AIG1: variants seen among roughly 807,000 people sequenced by gnomAD.
The protein encoded by AIG1 is androgen-induced gene 1 protein.
AIG1 carries 23 observed loss-of-function variants against 31.4 expected under a neutral mutation model. The observed-to-expected ratio is 0.73, with a 90% CI of 0.53 to 1.04. The LOEUF is 1.04. AIG1 is among the 50% of genes least tolerant of loss of function. The pLI is 0.00. For missense variants in AIG1, 274 were observed against 295.0 expected (o/e 0.93, Z 0.52); for synonymous variants, 100 against 110.5 (o/e 0.90, Z 0.60).
At chr6:143,173,963 A>G (rs140663224) in intron 3 of AIG1, among the ~76,000 whole-genome samples, 142 of 152,308 alleles carry the variant, frequency 9.3e-4, no homozygotes, top group African/African-American at 3.2e-3. Context: ...GTTGATGACC[A>G]GTCTAGTGCT....
At chr6:143,153,354 A>G (rs1424926957) in intron 2 of AIG1, among the ~76,000 whole-genome samples, 3 of 151,610 alleles carry the variant, frequency 2.0e-5, no homozygotes, top group African/African-American at 4.9e-5. Context: ...AATGCTTTTT[A>G]TTTTTATTTT....
chr6:143,088,286 A>G (rs902626588), intron 1 of AIG1, among the ~76,000 whole-genome samples: 2 of 151,858 alleles, frequency 1.3e-5, no homozygotes, highest in South Asian at 2.1e-4. Flanking sequence ...TTGTAATTAC[A>G]TATGTATACC....
chr6:143,239,702 A>G (rs538210622), intron 3 of AIG1, among the ~76,000 whole-genome samples: 172 of 152,324 alleles, frequency 1.1e-3, no homozygotes, highest in African/African-American at 3.8e-3. Flanking sequence ...GTGCCGTATC[A>G]CAAGACCTGA....
At chr6:143,257,356 CA>C (rs919148451) in intron 3 of AIG1, among the ~76,000 whole-genome samples, 10 of 150,896 alleles carry the variant, frequency 6.6e-5, no homozygotes, top group African/African-American at 1.5e-4. Flanking sequence ...AAAACAAAAA[CA>C]AAAAAAAATT....
chr6:143,225,489 C>T (rs780983727), intron 3 of AIG1, among the ~76,000 whole-genome samples: 1 of 152,142 alleles, frequency 6.6e-6, no homozygotes, highest in Non-Finnish European at 1.5e-5. Flanking sequence ...AGCAAAACTT[C>T]GTAAAACATA....
intron 3 of AIG1, among the ~76,000 whole-genome samples, chr6:143,261,659 C>G (rs1795789064): frequency 6.6e-6 from 1 of 152,112 alleles, no homozygotes; most frequent in African/African-American, 2.4e-5. Flanking sequence ...GAGTCTAAAG[C>G]TTTTCAAACA....
At chr6:143,070,729 A>T (rs1328959918) in intron 1 of AIG1, among the ~76,000 whole-genome samples, 1 of 152,202 alleles carries the variant, frequency 6.6e-6, no homozygotes, top group Non-Finnish European at 1.5e-5. Flanking sequence ...ATCTGTTAAC[A>T]CATTAATCCA....
chr6:143,254,697 A>G (rs1240849838), intron 3 of AIG1, among the ~76,000 whole-genome samples: 2 of 152,096 alleles, frequency 1.3e-5, no homozygotes, highest in African/African-American at 4.8e-5. Context: ...TAGAGTTGTG[A>G]TGCTTTGTGA....
rs951875502 is a variant in AIG1 at position 143,188,379 on chromosome 6, T to C, written c.399+23196T>C. On this transcript the variant is annotated intron_variant, in intron 3 of 5. Coordinates refer to ENST00000357847, the MANE Select transcript of AIG1 (RefSeq NM_016108.4). The stretch of plus-strand genomic sequence containing the variant: ...GCTGCATAATGTCGCCTGATTGCAC[T>C]TCTCATGCTGGTGAAGTTGGCTGAC... The C allele has an allele frequency of 1.4e-5, 14 of 985,382 alleles. No individual in the cohort carries two copies. The African/African-American group carries it at 2.3e-4, about 16-fold the overall frequency. The allele number at this position is 985,382 out of a possible 1,614,324, so 61.0% of individuals were successfully genotyped here.
intron 2 of AIG1, among the ~76,000 whole-genome samples, chr6:143,138,590 A>G (rs753102065): frequency 1.3e-5 from 2 of 152,148 alleles, no homozygotes; most frequent in Non-Finnish European, 2.9e-5. Context: ...AAGGATTACA[A>G]TAGTAATACA....
At chr6:143,167,011 T>G (rs1488856679) in intron 3 of AIG1, among the ~76,000 whole-genome samples, 1 of 152,194 alleles carries the variant, frequency 6.6e-6, no homozygotes, top group Non-Finnish European at 1.5e-5. Context: ...GTTAACAAAA[T>G]GTAAGAGGAA....
chr6:143,087,220 C>G (rs886192844), intron 1 of AIG1, among the ~76,000 whole-genome samples: 6 of 152,120 alleles, frequency 3.9e-5, no homozygotes, highest in African/African-American at 1.4e-4. Flanking sequence ...ACCGGCGGGT[C>G]TTTGTTCTTA....
intron 3 of AIG1, among the ~76,000 whole-genome samples, chr6:143,281,267 G>C (rs1797322530): frequency 6.6e-6 from 1 of 152,124 alleles, no homozygotes; most frequent in South Asian, 2.1e-4. Flanking sequence ...CTGCAGAATG[G>C]AGTTAATAAT....
intron 2 of AIG1, among the ~76,000 whole-genome samples, chr6:143,157,763 T>C (rs184702554): frequency 6.6e-6 from 1 of 152,346 alleles, no homozygotes; most frequent in East Asian, 1.9e-4. Context: ...TTTTCTTCTT[T>C]GACCTCTTTT....
chr6:143,314,910 C>T (rs1476077395), intron 4 of AIG1, among the ~76,000 whole-genome samples: 1 of 152,066 alleles, frequency 6.6e-6, no homozygotes, highest in Non-Finnish European at 1.5e-5. Context: ...ACAAAACTAA[C>T]ATCAGAATTG....
At chr6:143,306,669 A>G (rs1368201910) in intron 4 of AIG1, among the ~76,000 whole-genome samples, 1 of 151,802 alleles carries the variant, frequency 6.6e-6, no homozygotes, top group African/African-American at 2.4e-5. Flanking sequence ...GAATCTGACA[A>G]TTATGTGTCT....
chr6:143,237,991 A>G (rs1196714499), intron 3 of AIG1, among the ~76,000 whole-genome samples: 1 of 152,006 alleles, frequency 6.6e-6, no homozygotes, highest in Non-Finnish European at 1.5e-5. Context: ...CCTAGGCTGG[A>G]GTGCAGTGGC....
intron 4 of AIG1, among the ~76,000 whole-genome samples, chr6:143,321,801 G>GA (rs1162077715): frequency 5.9e-5 from 9 of 152,048 alleles, no homozygotes; most frequent in Non-Finnish European, 1.3e-4. Context: ...ACACAACTGG[G>GA]AAAAAAACCT....
At chr6:143,184,595 A>G (rs141805508) in intron 3 of AIG1, among the ~76,000 whole-genome samples, 85 of 152,292 alleles carry the variant, frequency 5.6e-4, no homozygotes, top group African/African-American at 1.9e-3. Flanking sequence ...TGCACCTCCA[A>G]AATAGGTCCC....
Sources: allele counts gnomAD v4.1 joint callset (sites outside exome capture counted in the v4.1 genomes callset), GRCh38; gene constraint gnomAD v4.1.1; transcripts MANE v1.5; gene names NCBI Gene and HGNC (gene_info 2026-07-23, HGNC 2026-07-21).